Variants in RPS6KC1 observed in about 807,000 individuals in gnomAD.
RPS6KC1 encodes the protein inactive ribosomal protein S6 kinase delta-1.
RPS6KC1 carries 54 observed loss-of-function variants against 103.8 expected under a neutral mutation model. That is an observed-to-expected ratio of 0.52 (90% CI 0.42 to 0.65). RPS6KC1 has a LOEUF of 0.65. Among genes scored for constraint, RPS6KC1 ranks in the 30% least tolerant of loss-of-function variants. RPS6KC1 has a pLI of 0.00. For missense variants in RPS6KC1, 1,151 were observed against 1,253.8 expected, an observed-to-expected ratio of 0.92 and a Z score of 1.24; for synonymous variants, 439 against 438.7, an observed-to-expected ratio of 1.00 and a Z score of -0.01.
chr1:213,638,524 A>T, the RPS6KC1 span, among the ~76,000 whole-genome samples: 1 of 151,948 alleles, frequency 6.6e-6, no homozygotes, highest in Non-Finnish European at 1.5e-5. Flanking sequence ...GTTACATTTT[A>T]TATAAGGTTT....
At chr1:213,658,220 ATTATGTGGGATAAC>A in the RPS6KC1 span, among the ~76,000 whole-genome samples, 3 of 152,222 alleles carry the variant, frequency 2.0e-5, no homozygotes, top group Non-Finnish European at 4.4e-5. Context: ...GTATCATCAC[ATTATGTGGGATAAC>A]TTCTGCAAAT....
At chr1:213,760,024 A>C in the RPS6KC1 span, among the ~76,000 whole-genome samples, 7,613 of 152,192 alleles carry the variant, frequency 0.05, 270 homozygotes, top group Non-Finnish European at 0.076. Flanking sequence ...AATGTCATCC[A>C]TGTTTACTTG....
At chr1:213,506,141 A>T in the RPS6KC1 span, among the ~76,000 whole-genome samples, 1 of 152,272 alleles carries the variant, frequency 6.6e-6, no homozygotes, top group Admixed American at 6.5e-5. Flanking sequence ...GCCATGCTTG[A>T]TGGGGACCAT....
chr1:213,181,853 T>C (rs2092286101), intron 8 of RPS6KC1, among the ~76,000 whole-genome samples: 1 of 152,106 alleles, frequency 6.6e-6, no homozygotes, highest in Non-Finnish European at 1.5e-5. Context: ...CTAAACAAAG[T>C]GGAAACAATA....
chr1:213,481,888 G>C, the RPS6KC1 span, among the ~76,000 whole-genome samples: 25 of 152,184 alleles, frequency 1.6e-4, no homozygotes, highest in Non-Finnish European at 3.1e-4. Context: ...TTGGATCATG[G>C]GGGTGGATTT....
the RPS6KC1 span, among the ~76,000 whole-genome samples, chr1:213,554,375 C>A: frequency 1.1e-4 from 16 of 152,160 alleles, no homozygotes; most frequent in Admixed American, 6.5e-4. Flanking sequence ...TTCCATTGGT[C>A]TATATATCTG....
rs779023286 is a variant in RPS6KC1, at chr1:213,129,549, G to A, written c.495G>A (p.Leu165=). The change falls in exon 6 of 15, where the codon CTG becomes CTA. Residue 165 remains leucine (L), a synonymous_variant. Transcript: ENST00000366960. ...TAGGCTTCTCCAGTGACAGTGATCT[G>A]GTATCTCTTACTGTTGATGTGGATT... ...STEGFSSDSD[L]VSLTVDVDSL... 1 of 1,611,140 alleles carries A rather than the reference G, an allele frequency of 6.2e-7. No individual in the cohort carries two copies. The highest frequency in any genetic ancestry group is 1.7e-4 in the Middle Eastern group (1 of 6,044).
the RPS6KC1 span, among the ~76,000 whole-genome samples, chr1:213,740,756 AC>A: frequency 8.3e-6 from 1 of 120,752 alleles, no homozygotes; most frequent in Non-Finnish European, 1.7e-5. Context: ...ACACATATAT[AC>A]ATCTCAGATA....
At chr1:213,216,316 G>A (rs1472575171) in intron 8 of RPS6KC1, among the ~76,000 whole-genome samples, 4 of 152,124 alleles carry the variant, frequency 2.6e-5, no homozygotes, top group African/African-American at 9.7e-5. Context: ...TTCAACAAGA[G>A]CTAACTATCT....
At chr1:213,665,199 A>AAACAACAAC in the RPS6KC1 span, among the ~76,000 whole-genome samples, 69 of 150,944 alleles carry the variant, frequency 4.6e-4, no homozygotes, top group African/African-American at 1.6e-3. Context: ...AAACAAGCAA[A>AAACAACAAC]AACAACAACA....
the RPS6KC1 span, among the ~76,000 whole-genome samples, chr1:213,697,980 C>T: frequency 6.6e-6 from 1 of 152,096 alleles, no homozygotes; most frequent in Non-Finnish European, 1.5e-5. Context: ...CCTCCTCTTC[C>T]AATTTTATTA....
At chr1:213,414,342 G>C in the RPS6KC1 span, among the ~76,000 whole-genome samples, 3 of 152,156 alleles carry the variant, frequency 2.0e-5, no homozygotes, top group Non-Finnish European at 4.4e-5. Context: ...ATTTGGAAAG[G>C]AAATAGGGTC....
chr1:213,733,017 C>T, the RPS6KC1 span, among the ~76,000 whole-genome samples: 3 of 152,130 alleles, frequency 2.0e-5, no homozygotes, highest in Non-Finnish European at 2.9e-5. Flanking sequence ...TGTGTGTATA[C>T]ACCATATTTT....
chr1:213,287,383 A>G, the RPS6KC1 span, among the ~76,000 whole-genome samples: 4 of 152,096 alleles, frequency 2.6e-5, no homozygotes, highest in Non-Finnish European at 1.5e-5. Flanking sequence ...TCTTTGTGCA[A>G]CTTAGGAAAC....
chr1:213,806,177 G>A, the RPS6KC1 span, among the ~76,000 whole-genome samples: 786 of 151,740 alleles, frequency 5.2e-3, 3 homozygotes, highest in African/African-American at 0.018. Context: ...CTAAAAATAC[G>A]AAAAATTAGC....
chr1:213,219,471 A>T (rs1163818297), intron 8 of RPS6KC1, among the ~76,000 whole-genome samples: 1 of 152,228 alleles, frequency 6.6e-6, no homozygotes, highest in African/African-American at 2.4e-5. Context: ...GGGATCTAGA[A>T]CTAGAAATAC....
chr1:213,389,580 C>T, the RPS6KC1 span, among the ~76,000 whole-genome samples: 4 of 152,192 alleles, frequency 2.6e-5, no homozygotes, highest in Admixed American at 1.3e-4. Flanking sequence ...GGCATGGTGG[C>T]GGCAGCAGCA....
chr1:213,619,587 G>A, the RPS6KC1 span, among the ~76,000 whole-genome samples: 2 of 152,216 alleles, frequency 1.3e-5, no homozygotes, highest in African/African-American at 4.8e-5. Flanking sequence ...TTCAGCCTTG[G>A]AGAGAGTGGG....
the RPS6KC1 span, among the ~76,000 whole-genome samples, chr1:213,311,595 G>A: frequency 2.0e-5 from 3 of 152,138 alleles, no homozygotes; most frequent in African/African-American, 7.2e-5. Flanking sequence ...GACAAAGTCA[G>A]CCTTGGATTT....
Sources: gnomAD v4.1 joint callset for allele counts (sites outside exome capture counted in the v4.1 genomes callset) on GRCh38, gnomAD v4.1.1 for gene constraint, MANE v1.5 for transcripts, NCBI Gene and HGNC (gene_info 2026-07-23, HGNC 2026-07-21) for gene names.